Variants in SRRM4 observed in about 807,000 individuals in gnomAD.
SRRM4 encodes serine/arginine repetitive matrix 4, also known as serine/arginine repetitive matrix protein 4.
SRRM4 carries 33 observed loss-of-function variants against 68.9 expected under a neutral mutation model. The ratio of observed to expected loss-of-function variants is 0.48; its 90% CI spans 0.36 to 0.64. The LOEUF (loss-of-function observed/expected upper bound fraction) is 0.64. Ranked by LOEUF, SRRM4 falls within the 30% of genes least tolerant of loss-of-function variation. The pLI is 0.00. For synonymous variants in SRRM4, 318 were observed against 318.8 expected, an observed-to-expected ratio of 1.00 and a Z score of 0.03; for missense variants, 817 against 827.1, an observed-to-expected ratio of 0.99 and a Z score of 0.15.
chr12:119,029,559 G>A (rs1953573243), intron 1 of SRRM4, among the ~76,000 whole-genome samples: 1 of 152,176 alleles, frequency 6.6e-6, no homozygotes, highest in Non-Finnish European at 1.5e-5. Flanking sequence ...TAGATGCCTG[G>A]TGAGTCAAAC....
In SRRM4 at chr12:119,116,991, G is replaced by T; in HGVS notation, c.420G>T (p.Lys140Asn). ...AGAAAAAGAAGAAGAAAAGTTCCAA[G>T]AAACACAAGCGACGCAGGTATTGTC... ...PVKKKKKKSSKKHKRRRSFSK... is the reference protein window; with the variant it reads ...PVKKKKKKSSNKHKRRRSFSK... Residue 140 changes from lysine to asparagine, a missense_variant, in exon 4 of 13, where the codon AAG becomes AAT. Transcript: ENST00000267260. 6.2e-7 allele frequency: 1 copy of T among 1,606,204 alleles called. No individual in the cohort carries two copies. The highest frequency in any genetic ancestry group is 8.5e-7 in the Non-Finnish European group (1 of 1,176,082).
chr12:119,117,128 CT>C, intron 4 of SRRM4, 120 bp downstream of exon 4: 1 of 842,664 alleles, frequency 1.2e-6, no homozygotes, highest in Non-Finnish European at 1.9e-6. Context: ...TTATCTATGT[CT>C]TTTTACGTAT....
chr12:119,012,922 G>A (rs752208298), intron 1 of SRRM4, among the ~76,000 whole-genome samples: 12 of 152,188 alleles, frequency 7.9e-5, no homozygotes, highest in East Asian at 3.9e-4. Context: ...TAGGGAAGGC[G>A]CCAAAGAAAA....
chr12:119,051,948 G>T (rs1019006588), intron 1 of SRRM4, among the ~76,000 whole-genome samples: 1 of 152,202 alleles, frequency 6.6e-6, no homozygotes, highest in Admixed American at 6.5e-5. Flanking sequence ...GGCAAGTTTT[G>T]GTATTTGGTG....
intron 8 of SRRM4, among the ~76,000 whole-genome samples, chr12:119,142,826 C>T (rs188612460): frequency 4.3e-4 from 65 of 152,322 alleles, no homozygotes; most frequent in Admixed American, 1.8e-3. Flanking sequence ...TGGCATGATA[C>T]ATTCCTGACA....
chr12:119,052,074 C>G (rs967326289), intron 1 of SRRM4, among the ~76,000 whole-genome samples: 1 of 152,176 alleles, frequency 6.6e-6, no homozygotes, highest in Non-Finnish European at 1.5e-5. Context: ...CTTTCTGCCT[C>G]TCGGGAGTCT....
At chr12:119,017,756 C>G (rs907953548) in intron 1 of SRRM4, among the ~76,000 whole-genome samples, 1 of 152,190 alleles carries the variant, frequency 6.6e-6, no homozygotes, top group Non-Finnish European at 1.5e-5. Context: ...GACCCTCCCT[C>G]ACTCACTTTG....
chr12:119,019,941 C>T (rs576018452), intron 1 of SRRM4, among the ~76,000 whole-genome samples: 1 of 82,626 alleles, frequency 1.2e-5, no homozygotes, highest in Non-Finnish European at 2.7e-5. Flanking sequence ...CTGGACAGTT[C>T]CCCCCGCTCC....
chr12:119,082,934 G>C (rs1242014832), intron 1 of SRRM4, among the ~76,000 whole-genome samples: 1 of 152,208 alleles, frequency 6.6e-6, no homozygotes, highest in African/African-American at 2.4e-5. Flanking sequence ...CTGCTTAGCA[G>C]AGCAGAAGCT....
chr12:119,060,137 C>T (rs915849299), intron 1 of SRRM4, among the ~76,000 whole-genome samples: 1 of 151,996 alleles, frequency 6.6e-6, no homozygotes, highest in Non-Finnish European at 1.5e-5. Context: ...ATTAGAGGCT[C>T]TTTCGGCTTT....
At chr12:119,037,096 C>T (rs1341820348) in intron 1 of SRRM4, 3 of 152,232 alleles carry the variant, frequency 2.0e-5, no homozygotes, top group East Asian at 3.9e-4. Flanking sequence ...CTGGTGAAAA[C>T]AATAAATAGC....
At chr12:119,095,860 T>G (rs1954040741) in intron 1 of SRRM4, among the ~76,000 whole-genome samples, 1 of 147,874 alleles carries the variant, frequency 6.8e-6, no homozygotes, top group African/African-American at 2.5e-5. Flanking sequence ...CTCAGGAAGC[T>G]GAAGCAGGAG....
intron 1 of SRRM4, among the ~76,000 whole-genome samples, chr12:118,995,598 G>C (rs1374837730): frequency 6.6e-6 from 1 of 152,132 alleles, no homozygotes; most frequent in East Asian, 1.9e-4. Flanking sequence ...ATGCTTTCCG[G>C]AAACAAGTTT....
At chr12:119,056,556 C>T (rs935726026) in intron 1 of SRRM4, among the ~76,000 whole-genome samples, 28 of 152,172 alleles carry the variant, frequency 1.8e-4, no homozygotes, top group Admixed American at 6.5e-4. Context: ...CTGATCTTAT[C>T]TTCTGCCTCT....
chr12:119,153,585 A>G lies in SRRM4; in HGVS notation c.1327A>G (p.Ser443Gly). The G allele has an allele frequency of 6.3e-7, 1 of 1,576,466 alleles. No homozygotes were observed. Among genetic ancestry groups the G allele is most frequent in the Non-Finnish European group, 8.6e-7 (1 of 1,161,932 alleles). The change falls in exon 11 of 13, where the codon AGC (serine) becomes GGC (glycine). Residue 443 changes from serine (S) to glycine (G), a missense_variant. Physicochemically the swap from Ser to Gly is moderately conservative, Grantham distance 56. Transcript: ENST00000267260. Reference protein sequence around the residue: ...PSYSSKSGKRSPPSRSSRSRR... With the variant: ...PSYSSKSGKRGPPSRSSRSRR... Reference sequence around the variant, plus strand: ...CTATTCCTCCAAGTCTGGCAAGAGGAGCCCGCCCAGCAGAAGCTCTAGGTC... The same window carrying G: ...CTATTCCTCCAAGTCTGGCAAGAGGGGCCCGCCCAGCAGAAGCTCTAGGTC...
intron 1 of SRRM4, among the ~76,000 whole-genome samples, chr12:118,989,027 A>G (rs1181439729): frequency 6.6e-6 from 1 of 152,134 alleles, no homozygotes; most frequent in African/African-American, 2.4e-5. Flanking sequence ...GAGCAGAGTG[A>G]GTGAATGGGA....
chr12:119,148,477 TAAC>T (rs1488209722), intron 9 of SRRM4, among the ~76,000 whole-genome samples: 1 of 152,140 alleles, frequency 6.6e-6, no homozygotes, highest in Non-Finnish European at 1.5e-5. Context: ...GAAATAGCAA[TAAC>T]AACAACAATA....
intron 1 of SRRM4, among the ~76,000 whole-genome samples, chr12:119,006,185 T>A (rs752617708): frequency 9.1e-4 from 138 of 152,220 alleles, no homozygotes; most frequent in Non-Finnish European, 1.7e-3. Context: ...CCTGAGCTGC[T>A]CTGTCTGACA....
At chr12:119,075,658 G>A (rs1161563904) in intron 1 of SRRM4, among the ~76,000 whole-genome samples, 16 of 147,124 alleles carry the variant, frequency 1.1e-4, no homozygotes, top group Admixed American at 9.5e-4. Flanking sequence ...TGATGGTAGC[G>A]ATGATGGTGA....
Sources: allele counts gnomAD v4.1 joint callset (sites outside exome capture counted in the v4.1 genomes callset), GRCh38; gene constraint gnomAD v4.1.1; transcripts MANE v1.5; gene names NCBI Gene and HGNC (gene_info 2026-07-23, HGNC 2026-07-21).